Variants in RC3H1 observed in about 807,000 individuals in gnomAD.
RC3H1 encodes ring finger and CCCH-type domains 1, also known as roquin-1.
A neutral mutation model predicts 138.2 loss-of-function variants in RC3H1; 50 were observed. The observed-to-expected ratio is 0.36, with a 90% CI of 0.29 to 0.46. The LOEUF (loss-of-function observed/expected upper bound fraction) is 0.46, where lower values mean the gene tolerates loss of function less well. RC3H1 is among the 20% of genes least tolerant of loss of function. The pLI, the probability that RC3H1 is intolerant of heterozygous loss-of-function variation, is 1.00. For missense variants in RC3H1, 1,031 were observed against 1,388.1 expected (o/e 0.74, Z 4.09); for synonymous variants, 462 against 489.1 (o/e 0.94, Z 0.73).
intron 1 of RC3H1, among the ~76,000 whole-genome samples, chr1:174,014,260 C>T (rs1280998320): frequency 6.6e-6 from 1 of 152,148 alleles, no homozygotes; most frequent in Non-Finnish European, 1.5e-5. Context: ...TGATAACCAA[C>T]ACACCACACT....
At chr1:173,974,955 A>C (rs1470243958) in intron 7 of RC3H1, among the ~76,000 whole-genome samples, 3 of 152,206 alleles carry the variant, frequency 2.0e-5, no homozygotes, top group Non-Finnish European at 4.4e-5. Flanking sequence ...TCAGATATAC[A>C]TTATGAGAGA....
rs1240890467 is a variant in RC3H1, at chr1:173,941,334, T to C, written c.3182A>G (p.Lys1061Arg). The change falls in exon 19 of 20, where the codon AAA becomes AGA. Residue 1061 changes from lysine (K) to arginine (R), a missense_variant. Coordinates refer to ENST00000367696, the MANE Select transcript of RC3H1 (RefSeq NM_172071.4). ...TTCTGGTTGTCCATTTTCTGCTTGT[T>C]TACTTGTATTCAGTTTGCTTTTCAT... The part of the protein sequence containing the change: ...LDMKSKLNTS[K>R]QAENGQPEPQ... 6.2e-7 allele frequency: 1 copy of C among 1,613,966 alleles called. No homozygotes were observed. The highest frequency in any genetic ancestry group is 8.5e-7 in the Non-Finnish European group (1 of 1,179,934).
chr1:173,939,528 CAAAAAAAAAAAA>C (rs61301994), intron 19 of RC3H1, among the ~76,000 whole-genome samples: 1 of 35,946 alleles, frequency 2.8e-5, no homozygotes, highest in Non-Finnish European at 5.0e-5. Context: ...GAGATTTTAT[CAAAAAAAAAAAA>C]AAAAAAAAAA....
At chr1:173,951,761 C>T (rs536670878) in intron 14 of RC3H1, among the ~76,000 whole-genome samples, 1 of 151,590 alleles carries the variant, frequency 6.6e-6, no homozygotes, top group African/African-American at 2.4e-5. Context: ...GCTATTTGCA[C>T]AGAAATATAA....
Position 173,947,426 on chromosome 1 carries a change from C to T in RC3H1, c.2680G>A (p.Gly894Ser). Reference protein sequence around the residue: ...RTSKTIYQGAGPMQAMAPQGA... With the variant: ...RTSKTIYQGASPMQAMAPQGA... ...TGAGGTGCCATAGCCTGCATTGGAC[C>T]AGCACCCTGATATATAGTTTTGGAA... is the stretch of plus-strand genomic sequence containing the variant. Residue 894 changes from glycine to serine, a missense_variant, in exon 15 of 20, where the codon GGT becomes AGT. By Grantham distance (56) the Gly-to-Ser change is moderately conservative. This residue lies in a region of RC3H1 where 716 missense variants were observed against 837.9 expected (regional missense o/e 0.85). Coordinates refer to ENST00000367696, the MANE Select transcript of RC3H1 (RefSeq NM_172071.4). 1 of 1,613,958 alleles carries T rather than the reference C, an allele frequency of 6.2e-7. No homozygotes were observed. Among genetic ancestry groups the T allele is most frequent in the South Asian group, 1.1e-5 (1 of 91,066 alleles).
chr1:173,961,563 TAAA>T (rs57104242), intron 12 of RC3H1, among the ~76,000 whole-genome samples, 159 bp downstream of exon 12: 119 of 143,614 alleles, frequency 8.3e-4, no homozygotes, highest in African/African-American at 2.6e-3. Context: ...TTATATAGTT[TAAA>T]AAAAAAAAAT....
intron 10 of RC3H1, 49 bp downstream of exon 10, chr1:173,964,790 G>T: frequency 6.8e-6 from 10 of 1,462,050 alleles, no homozygotes; most frequent in South Asian, 3.9e-5. Flanking sequence ...ATCTTCCTTC[G>T]ACTTTATGAA....
chr1:173,991,424 TTTTA>T (rs1661283600), intron 2 of RC3H1, among the ~76,000 whole-genome samples: 1 of 152,210 alleles, frequency 6.6e-6, no homozygotes, highest in African/African-American at 2.4e-5. Context: ...ATGAGATTGT[TTTTA>T]TTTTTTACTT....
rs1658505554 is a variant in RC3H1, at chr1:173,934,615, C to T, written c.*4106G>A. Reference sequence around the variant, plus strand: ...AAAACAGCAGGTTACCATTCTTAACCAGACCTTTGTTTGCCTACCAGTAGG... The same window carrying T: ...AAAACAGCAGGTTACCATTCTTAACTAGACCTTTGTTTGCCTACCAGTAGG... On this transcript the variant is annotated 3_prime_UTR_variant, in exon 20 of 20. Coordinates refer to ENST00000367696, the MANE Select transcript of RC3H1 (RefSeq NM_172071.4). The T allele has an allele frequency of 6.6e-6, 1 of 152,124 alleles. No individual in the cohort carries two copies. The highest frequency in any genetic ancestry group is 2.4e-5 in the African/African-American group (1 of 41,438). 9.4% of individuals were successfully genotyped at this position (152,124 alleles called of 1,614,324 possible).
At chr1:173,949,407 T>A (rs954895763) in intron 14 of RC3H1, among the ~76,000 whole-genome samples, 1 of 151,882 alleles carries the variant, frequency 6.6e-6, no homozygotes, top group Non-Finnish European at 1.5e-5. Flanking sequence ...CTCACTCTGT[T>A]GTCTAGGCTG....
At chr1:173,990,085 ATT>A (rs369955533) in intron 2 of RC3H1, among the ~76,000 whole-genome samples, 7 of 141,710 alleles carry the variant, frequency 4.9e-5, no homozygotes, top group Admixed American at 7.1e-5. Flanking sequence ...ATAGTTTTAC[ATT>A]TTTTTTTTTT....
intron 1 of RC3H1, among the ~76,000 whole-genome samples, chr1:174,006,869 G>C (rs189348729): frequency 6.6e-6 from 1 of 152,064 alleles, no homozygotes; most frequent in Non-Finnish European, 1.5e-5. Context: ...ATCTTAAGAC[G>C]CCTTACTGAT....
chr1:173,962,775 A>C (rs1348368008), intron 11 of RC3H1, among the ~76,000 whole-genome samples: 1 of 152,170 alleles, frequency 6.6e-6, no homozygotes, highest in African/African-American at 2.4e-5. Flanking sequence ...ATATAGCTAA[A>C]ATAATTTACC....
rs1387515287 is a variant in RC3H1 at position 173,934,528 on chromosome 1, GGCT to G, written c.*4190_*4192del. On this transcript the variant is annotated 3_prime_UTR_variant, in exon 20 of 20. Transcript: ENST00000367696. The stretch of plus-strand genomic sequence containing the variant: ...TACTAAAAGGTTTCATGATCAAAAT[GGCT>G]ACTACTTCCCCCAAAACCAAAACAG... 1 of 152,236 alleles carries G rather than the reference GGCT, an allele frequency of 6.6e-6. No homozygotes were observed. Among genetic ancestry groups the G allele is most frequent in the East Asian group, 1.9e-4 (1 of 5,188 alleles). 9.4% of individuals were successfully genotyped at this position (152,236 alleles called of 1,614,324 possible). A position where few individuals can be genotyped will look rare whatever the true frequency, so the allele number is the denominator to read the frequency against.
chr1:173,997,261 C>T (rs1022898614), intron 1 of RC3H1, among the ~76,000 whole-genome samples: 2 of 152,064 alleles, frequency 1.3e-5, no homozygotes, highest in African/African-American at 4.8e-5. Context: ...GGCAGTTACA[C>T]AGTTGGGCAA....
chr1:173,989,273 T>C (rs541497795), intron 2 of RC3H1, among the ~76,000 whole-genome samples: 2 of 151,908 alleles, frequency 1.3e-5, no homozygotes, highest in South Asian at 4.2e-4. Context: ...AAATGATCCA[T>C]CCATCTTGGC....
chr1:174,003,601 T>C (rs946754404), intron 1 of RC3H1, among the ~76,000 whole-genome samples: 2 of 151,790 alleles, frequency 1.3e-5, no homozygotes, highest in African/African-American at 4.8e-5. Context: ...GTAACAAACA[T>C]CCCTAATACA....
At chr1:173,947,155 T>A (rs900895351) in intron 15 of RC3H1, among the ~76,000 whole-genome samples, 2 of 152,180 alleles carry the variant, frequency 1.3e-5, no homozygotes, top group Non-Finnish European at 2.9e-5. Context: ...GAAGAAACAT[T>A]AGGAAAGCTT....
intron 2 of RC3H1, among the ~76,000 whole-genome samples, chr1:173,986,496 C>T (rs1266267722): frequency 6.6e-6 from 1 of 152,074 alleles, no homozygotes; most frequent in Non-Finnish European, 1.5e-5. Flanking sequence ...CCCAGACTGG[C>T]CTCGAATTCC....
Sources: gnomAD v4.1 joint callset for allele counts (sites outside exome capture counted in the v4.1 genomes callset) on GRCh38, gnomAD v4.1.1 for gene constraint, gnomAD v4.1.1 regional missense constraint, MANE v1.5 for transcripts, NCBI Gene and HGNC (gene_info 2026-07-23, HGNC 2026-07-21) for gene names.